The following SND1 variants were observed in gnomAD, a reference collection of about 807,000 sequenced individuals.
SND1 encodes staphylococcal nuclease and tudor domain containing 1, also known as staphylococcal nuclease domain-containing protein 1.
Under a neutral mutation model 121.7 loss-of-function variants are expected in SND1, and 38 were observed. The observed-to-expected ratio is 0.31, with a 90% CI of 0.24 to 0.41. SND1 has a LOEUF of 0.41. Ranked by LOEUF, SND1 falls within the 10% of genes least tolerant of loss-of-function variation. The pLI is 1.00. For synonymous variants in SND1, 401 were observed against 447.4 expected (o/e 0.90, Z 1.31); for missense variants, 868 against 1,184.6 (o/e 0.73, Z 3.92).
In SND1 at chr7:127,878,808, G is replaced by A. The variant is rs565575916; in HGVS notation, c.1344-9094G>A. Reference sequence around the variant, plus strand: ...GAAGTGAAAAATAGTGAAGAAGGTGGGAGAGAGATTTAGTAAATCTATAAA... The same window carrying A: ...GAAGTGAAAAATAGTGAAGAAGGTGAGAGAGAGATTTAGTAAATCTATAAA... On this transcript the variant is annotated intron_variant, in intron 12 of 23. Coordinates refer to ENST00000354725, the MANE Select transcript of SND1 (RefSeq NM_014390.4). Among the ~76,000 whole-genome samples, 14 of 152,130 alleles carry A rather than the reference G, an allele frequency of 9.2e-5. No homozygotes were observed. In the East Asian group the frequency reaches 2.1e-3, roughly 23 times the overall value.
intron 1 of SND1, among the ~76,000 whole-genome samples, chr7:127,684,311 T>C (rs898736175): frequency 6.6e-6 from 1 of 152,206 alleles, no homozygotes; most frequent in Non-Finnish European, 1.5e-5. Flanking sequence ...TTTTTTTGTG[T>C]GTGAAAACTT....
At position 127,747,298 on chromosome 7, in the gene SND1, C is replaced by A. The variant is rs940603866; in HGVS notation, c.1152+25898C>A. On this transcript the variant is annotated intron_variant, in intron 10 of 23. Transcript: ENST00000354725. ...TCCTATGGTTTGGATATAAATAGCA[C>A]ATGTGGCTGTGGAAAGGACTCTGTT... Among the ~76,000 whole-genome samples, 4 of 152,306 alleles carry A rather than the reference C, an allele frequency of 2.6e-5. No homozygotes were observed. The Middle Eastern group carries it at 0.01, about 389-fold the overall frequency.
At chr7:127,715,720 G>T (rs1488692897) in intron 9 of SND1, among the ~76,000 whole-genome samples, 1 of 152,106 alleles carries the variant, frequency 6.6e-6, no homozygotes, top group Non-Finnish European at 1.5e-5. Context: ...AAATTTTCAT[G>T]AAATCTAATT....
chr7:127,916,373 T>A (rs1800580208), intron 14 of SND1, among the ~76,000 whole-genome samples: 1 of 152,164 alleles, frequency 6.6e-6, no homozygotes, highest in African/African-American at 2.4e-5. Flanking sequence ...ATGGTGGTGC[T>A]CCTTGTCTGA....
intron 16 of SND1, among the ~76,000 whole-genome samples, chr7:128,033,207 G>GT (rs1269229809): frequency 7.2e-5 from 11 of 152,306 alleles, no homozygotes; most frequent in Non-Finnish European, 5.9e-5. Context: ...CCTATTTCTG[G>GT]TAGGAGACCC....
At chr7:127,851,641 G>A (rs1799166483) in intron 12 of SND1, among the ~76,000 whole-genome samples, 2 of 152,170 alleles carry the variant, frequency 1.3e-5, no homozygotes, top group South Asian at 4.1e-4. Flanking sequence ...TAAGGACTGT[G>A]TTAGGCATCA....
chr7:128,013,361 C>T (rs1563088814), intron 16 of SND1, among the ~76,000 whole-genome samples: 2 of 152,254 alleles, frequency 1.3e-5, no homozygotes, highest in Admixed American at 1.3e-4. Flanking sequence ...TCCCCAGCAC[C>T]TGGCAGGGTG....
intron 7 of SND1, among the ~76,000 whole-genome samples, chr7:127,703,757 G>C (rs1194154765): frequency 6.6e-6 from 1 of 152,124 alleles, no homozygotes; most frequent in Admixed American, 6.5e-5. Flanking sequence ...GCTGATTTTT[G>C]AGGCATTTTC....
intron 16 of SND1, among the ~76,000 whole-genome samples, chr7:128,059,254 C>G (rs577373906): frequency 1.3e-4 from 20 of 152,302 alleles, no homozygotes; most frequent in Middle Eastern, 6.8e-3. Context: ...CTTGAACCCC[C>G]CTAGTACCTG....
chr7:127,781,711 CT>C (rs1032848858), intron 10 of SND1, among the ~76,000 whole-genome samples: 2 of 151,960 alleles, frequency 1.3e-5, no homozygotes, highest in African/African-American at 4.8e-5. Flanking sequence ...TAGCCAGATG[CT>C]TATATATTTG....
intron 10 of SND1, among the ~76,000 whole-genome samples, chr7:127,769,902 T>C (rs2116495340): frequency 6.6e-6 from 1 of 152,294 alleles, no homozygotes; most frequent in Admixed American, 6.5e-5. Context: ...AATTAAATAG[T>C]TTTTTACCCT....
intron 15 of SND1, among the ~76,000 whole-genome samples, chr7:127,951,344 C>T (rs142570144): frequency 1.7e-3 from 259 of 152,232 alleles, no homozygotes; most frequent in African/African-American, 5.9e-3. Context: ...TGCATGATTC[C>T]AGTTACGCGA....
In SND1 at chr7:128,029,601, G is replaced by A; in HGVS notation, c.1779+38545G>A. On this transcript the variant is annotated intron_variant, in intron 16 of 23. Coordinates refer to ENST00000354725, the MANE Select transcript of SND1 (RefSeq NM_014390.4). The surrounding 1 kb of genome is among the most constrained non-coding windows in gnomAD (Gnocchi z 4.2). ...GATGAAGGGGGCAGAGCACTGGAAGGAGGCCTGGTCCACCTCCACGAGGTA... is the reference window on the plus strand; with the variant it reads ...GATGAAGGGGGCAGAGCACTGGAAGAAGGCCTGGTCCACCTCCACGAGGTA... The A allele has an allele frequency of 6.2e-7, 1 of 1,614,080 alleles. No homozygotes were observed. Among genetic ancestry groups the A allele is most frequent in the Non-Finnish European group, 8.5e-7 (1 of 1,180,030 alleles).
At chr7:127,696,457 G>T (rs182610501) in intron 3 of SND1, among the ~76,000 whole-genome samples, 1 of 152,154 alleles carries the variant, frequency 6.6e-6, no homozygotes, top group Non-Finnish European at 1.5e-5. Context: ...GAAACAAAAC[G>T]CTTAAAGATA....
chr7:127,867,016 T>C (rs1293224988), intron 12 of SND1, among the ~76,000 whole-genome samples: 1 of 152,240 alleles, frequency 6.6e-6, no homozygotes, highest in Non-Finnish European at 1.5e-5. Context: ...CTATTCTCTT[T>C]TTAACTAGTG....
chr7:127,880,295 T>C (rs1171326538), intron 12 of SND1, among the ~76,000 whole-genome samples: 2 of 152,160 alleles, frequency 1.3e-5, no homozygotes, highest in African/African-American at 4.8e-5. Context: ...CTTACTGTGC[T>C]AAATTATAGG....
intron 10 of SND1, among the ~76,000 whole-genome samples, chr7:127,806,170 C>T (rs1563019943): frequency 6.6e-6 from 1 of 152,176 alleles, no homozygotes. Context: ...GTCAGGATCT[C>T]TTATTTCTTA....
chr7:127,782,909 A>G (rs1797748448), intron 10 of SND1, among the ~76,000 whole-genome samples: 1 of 152,224 alleles, frequency 6.6e-6, no homozygotes, highest in South Asian at 2.1e-4. Flanking sequence ...CAAGTGAAGC[A>G]TTATCTTCCT....
chr7:127,824,018 T>A (rs1422838732), intron 11 of SND1, among the ~76,000 whole-genome samples: 1 of 152,238 alleles, frequency 6.6e-6, no homozygotes, highest in Non-Finnish European at 1.5e-5. Flanking sequence ...GTATTAAATA[T>A]TGAGTATGAC....
Sources: allele counts gnomAD v4.1 joint callset (sites outside exome capture counted in the v4.1 genomes callset), GRCh38; gene constraint gnomAD v4.1.1; non-coding constraint Gnocchi (gnomAD v3.1); transcripts MANE v1.5; gene names NCBI Gene and HGNC (gene_info 2026-07-23, HGNC 2026-07-21).